GRAMD1C: variants seen among roughly 807,000 people sequenced by gnomAD.
GRAMD1C encodes GRAM domain containing 1C.
GRAMD1C carries 89 observed loss-of-function variants against 97.8 expected under a neutral mutation model. The observed-to-expected ratio is 0.91, with a 90% confidence interval of 0.77 to 1.09. The LOEUF (loss-of-function observed/expected upper bound fraction) is 1.09, where lower values mean the gene tolerates loss of function less well. Ranked by LOEUF, GRAMD1C falls within the 50% of genes least tolerant of loss-of-function variation. The probability of loss-of-function intolerance (pLI) is 0.00; values close to 1 mark genes in which losing one functional copy is unlikely to be tolerated. For synonymous variants in GRAMD1C, 256 were observed against 267.0 expected (o/e 0.96, Z 0.40); for missense variants, 740 against 766.4 (o/e 0.97, Z 0.41).
chr3:113,850,778 A>T, intron 2 of GRAMD1C: 1 of 889,446 alleles, frequency 1.1e-6, no homozygotes, highest in Non-Finnish European at 1.6e-6. Flanking sequence ...GGATATACTT[A>T]ATTTTTTTTT....
intron 1 of GRAMD1C, among the ~76,000 whole-genome samples, chr3:113,833,482 C>G (rs1005013929): frequency 6.6e-6 from 1 of 152,086 alleles, no homozygotes; most frequent in African/African-American, 2.4e-5. Context: ...TACCAACATT[C>G]CCCCACCAAC....
intron 17 of GRAMD1C, among the ~76,000 whole-genome samples, chr3:113,943,115 T>C (rs1244430633): frequency 1.3e-5 from 2 of 152,222 alleles, no homozygotes; most frequent in Non-Finnish European, 2.9e-5. Context: ...ACTCATTCAC[T>C]CTTCAGCTCA....
intron 6 of GRAMD1C, among the ~76,000 whole-genome samples, chr3:113,891,677 AGACCAGCCTGG>A (rs1369542205): frequency 6.6e-6 from 1 of 151,672 alleles, no homozygotes; most frequent in Admixed American, 6.6e-5. Context: ...GACCAGTTCA[AGACCAGCCTGG>A]GCAACATAGA....
At chr3:113,923,483 G>A (rs768990629) in intron 10 of GRAMD1C, among the ~76,000 whole-genome samples, 5 of 152,176 alleles carry the variant, frequency 3.3e-5, no homozygotes, top group Non-Finnish European at 7.3e-5. Flanking sequence ...ATGAACAGAT[G>A]TTGAATTGTA....
intron 2 of GRAMD1C, among the ~76,000 whole-genome samples, chr3:113,850,993 A>G (rs935789524): frequency 2.6e-5 from 4 of 151,834 alleles, no homozygotes; most frequent in Admixed American, 6.6e-5. Flanking sequence ...TAGTAGAGAC[A>G]GGGTTTCACC....
intron 6 of GRAMD1C, chr3:113,897,788 A>T (rs1436190992): frequency 1.0e-6 from 1 of 982,632 alleles, no homozygotes; most frequent in East Asian, 1.1e-4. Flanking sequence ...GTAGGCTGAA[A>T]GGGAGAGACT....
At chr3:113,829,234 C>T (rs1286343937) in intron 1 of GRAMD1C, among the ~76,000 whole-genome samples, 1 of 152,038 alleles carries the variant, frequency 6.6e-6, no homozygotes, top group Non-Finnish European at 1.5e-5. Context: ...CCAGTCTGGG[C>T]AACATAGGGA....
intron 6 of GRAMD1C, among the ~76,000 whole-genome samples, chr3:113,889,658 G>A (rs913222203): frequency 1.4e-5 from 2 of 148,020 alleles, no homozygotes; most frequent in Admixed American, 6.7e-5. Flanking sequence ...TTTTTTTTTC[G>A]AGATGGAGTT....
chr3:113,849,291 A>T (rs1425120890), intron 2 of GRAMD1C, among the ~76,000 whole-genome samples: 3 of 149,352 alleles, frequency 2.0e-5, no homozygotes, highest in South Asian at 2.1e-4. Flanking sequence ...TTATTTATTT[A>T]TTTATTTATT....
At chr3:113,889,959 T>C (rs1935652563) in intron 6 of GRAMD1C, among the ~76,000 whole-genome samples, 1 of 152,060 alleles carries the variant, frequency 6.6e-6, no homozygotes, top group Admixed American at 6.5e-5. Context: ...TCTTTGAAGC[T>C]GGCAGGTGGG....
intron 9 of GRAMD1C, chr3:113,912,971 G>T: frequency 3.7e-6 from 1 of 271,400 alleles, no homozygotes; most frequent in African/African-American, 2.3e-5. Flanking sequence ...TCTTAAAATT[G>T]TAAGATCCTT....
At chr3:113,927,954 G>T (rs542099056) in intron 10 of GRAMD1C, among the ~76,000 whole-genome samples, 2 of 152,156 alleles carry the variant, frequency 1.3e-5, no homozygotes, top group Non-Finnish European at 2.9e-5. Flanking sequence ...GAGAGTTGTC[G>T]CCGCAGAAAC....
intron 10 of GRAMD1C, chr3:113,919,440 G>T: frequency 1.9e-6 from 1 of 514,566 alleles, no homozygotes; most frequent in Non-Finnish European, 4.0e-6. Context: ...GAATTTATAG[G>T]TCAAATGGAA....
At chr3:113,854,535 T>C (rs1934043871) in intron 2 of GRAMD1C, among the ~76,000 whole-genome samples, 1 of 152,146 alleles carries the variant, frequency 6.6e-6, no homozygotes, top group South Asian at 2.1e-4. Context: ...GAGTTGGGCA[T>C]TGGATTTGCA....
intron 4 of GRAMD1C, 61 bp from the exon 5 acceptor site, chr3:113,876,104 T>C: frequency 1.3e-6 from 1 of 757,568 alleles, no homozygotes; most frequent in Non-Finnish European, 2.3e-6. Flanking sequence ...ATGGGATACT[T>C]GGCATTTTGT....
At chr3:113,940,445 A>G (rs1937716799) in intron 17 of GRAMD1C, 100 bp downstream of exon 17, 1 of 693,680 alleles carries the variant, frequency 1.4e-6, no homozygotes. Context: ...TATCGTTTGA[A>G]AAAATCCCCC....
At position 113,945,814 on chromosome 3, in the gene GRAMD1C, C is replaced by T. The variant is rs1165354633; in HGVS notation, c.*336C>T. On this transcript the variant is annotated 3_prime_UTR_variant, in exon 18 of 18. Coordinates refer to ENST00000358160, the MANE Select transcript of GRAMD1C (RefSeq NM_017577.5). ...CTCATTTCTACAGTGAAGTCTGATG[C>T]TTTGTTAGCACAGAATCCGTACATG... The T allele has an allele frequency of 4.6e-6, 1 of 219,178 alleles. No homozygotes were observed. Among genetic ancestry groups the T allele is most frequent in the African/African-American group, 2.3e-5 (1 of 42,818 alleles). 13.6% of individuals were successfully genotyped at this position (219,178 alleles called of 1,614,324 possible).
At chr3:113,888,023 C>T (rs1288556859) in intron 6 of GRAMD1C, among the ~76,000 whole-genome samples, 1 of 151,922 alleles carries the variant, frequency 6.6e-6, no homozygotes, top group African/African-American at 2.4e-5. Context: ...GAGAAAAGCC[C>T]AGGCCCAGGT....
At chr3:113,932,472 A>G (rs1474346285) in intron 11 of GRAMD1C, among the ~76,000 whole-genome samples, 1 of 152,160 alleles carries the variant, frequency 6.6e-6, no homozygotes, top group Non-Finnish European at 1.5e-5. Flanking sequence ...TTGTTTGGTT[A>G]CTACCCTTCT....
Sources: allele counts gnomAD v4.1 joint callset (sites outside exome capture counted in the v4.1 genomes callset), GRCh38; gene constraint gnomAD v4.1.1; transcripts MANE v1.5; gene names NCBI Gene and HGNC (gene_info 2026-07-23, HGNC 2026-07-21).